The following TOP2B variants were observed in gnomAD, a reference collection of about 807,000 sequenced individuals.
TOP2B encodes the protein DNA topoisomerase 2-beta.
In TOP2B, 51 loss-of-function variants were observed where a neutral mutation model predicts 193.5. That is an observed-to-expected ratio of 0.26 (90% confidence interval 0.21 to 0.33). The LOEUF (loss-of-function observed/expected upper bound fraction) is 0.33. Ranked by LOEUF, TOP2B falls within the 10% of genes least tolerant of loss-of-function variation. The pLI is 1.00. For missense variants in TOP2B, 1,378 were observed against 1,909.3 expected, an observed-to-expected ratio of 0.72 and a Z score of 5.19; for synonymous variants, 634 against 635.7, an observed-to-expected ratio of 1.00 and a Z score of 0.04.
At chr3:25,627,763 C>T (rs1288501602) in intron 15 of TOP2B, among the ~76,000 whole-genome samples, 1 of 152,052 alleles carries the variant, frequency 6.6e-6, no homozygotes, top group Non-Finnish European at 1.5e-5. Flanking sequence ...TGGATCCTGA[C>T]TTTGGAAAAA....
Position 25,664,306 on chromosome 3 carries a change from C to T in TOP2B, c.-9G>A, listed in dbSNP as rs368409004. 6 of 1,526,294 alleles carry T rather than the reference C, an allele frequency of 3.9e-6. No individual in the cohort carries two copies. Among genetic ancestry groups the T allele is most frequent in the South Asian group, 2.4e-5 (2 of 83,580 alleles). The allele number at this position is 1,526,294 out of a possible 1,614,324, so 94.5% of individuals were successfully genotyped here. ...CCACCCGACTTGGCCATGGCGAGTG[C>T]CTCCAGCTCACAGGCCCTGAGGCCG... On this transcript the variant is annotated 5_prime_UTR_variant, in exon 1 of 36. Coordinates refer to ENST00000264331, the MANE Select transcript of TOP2B (RefSeq NM_001330700.2).
intron 25 of TOP2B, 116 bp downstream of exon 25, chr3:25,618,302 T>C (rs45438599): frequency 0.015 from 10,182 of 694,370 alleles, 103 homozygotes; most frequent in Non-Finnish European, 0.019. Context: ...AGTCTCTAAA[T>C]AGACAACTCA....
intron 19 of TOP2B, 55 bp downstream of exon 19, chr3:25,624,627 T>C (rs1051171854): frequency 1.3e-6 from 2 of 1,598,396 alleles, no homozygotes; most frequent in East Asian, 2.2e-5. Context: ...TGTGTAATTA[T>C]CATTCTTCAA....
rs764796902 is a variant in TOP2B at position 25,643,771 on chromosome 3, T to C, written c.254A>G (p.Tyr85Cys). The C allele has an allele frequency of 3.7e-6, 6 of 1,613,118 alleles. No individual in the cohort carries two copies. In the Admixed American group the frequency reaches 1.0e-4, roughly 27 times the overall value. Residue 85 changes from tyrosine to cysteine, a missense_variant, in exon 3 of 36, where the codon TAT (tyrosine) becomes TGT (cysteine). Physicochemically the swap from Tyr to Cys is radical, Grantham distance 194 (BLOSUM62 -2). This residue lies in a region of TOP2B where 35 missense variants were observed against 85.8 expected (regional missense o/e 0.41). Coordinates refer to ENST00000264331, the MANE Select transcript of TOP2B (RefSeq NM_001330700.2). Reference protein sequence around the residue: ...VEPLTQFMWVYDEDVGMNCRE... With the variant: ...VEPLTQFMWVCDEDVGMNCRE... ...GCAATTCATTCCTACATCTTCATCATACACCCACATGAACTGCATTGAAAA... is the reference window on the plus strand; with the variant it reads ...GCAATTCATTCCTACATCTTCATCACACACCCACATGAACTGCATTGAAAA...
At chr3:25,616,502 G>C (rs1702509002) in intron 25 of TOP2B, among the ~76,000 whole-genome samples, 1 of 150,422 alleles carries the variant, frequency 6.6e-6, no homozygotes, top group African/African-American at 2.4e-5. Flanking sequence ...TCAGAAGTAA[G>C]ATAAAAATTA....
At position 25,626,666 on chromosome 3, in the gene TOP2B, T is replaced by C. The variant is rs989415554; in HGVS notation, c.2118A>G (p.Leu706=). ...RRLHGLPEQF[L]YGTATKHLTY... ...TCAAATGCTTTGTTGCAGTACCATATAAAAATTGCTAAGAGAAAAGTTATA... is the reference window on the plus strand; with the variant it reads ...TCAAATGCTTTGTTGCAGTACCATACAAAAATTGCTAAGAGAAAAGTTATA... The change falls in exon 18 of 36, where the codon TTA becomes TTG. Residue 706 remains leucine, a synonymous_variant. Transcript: ENST00000264331. The C allele has an allele frequency of 2.6e-6, 4 of 1,524,382 alleles. No individual in the cohort carries two copies. The highest frequency in any genetic ancestry group is 2.5e-5 in the South Asian group (2 of 78,814). The allele number at this position is 1,524,382 out of a possible 1,614,324, so 94.4% of individuals were successfully genotyped here.
At chr3:25,618,314 C>T in intron 25 of TOP2B, 104 bp downstream of exon 25, 1 of 747,210 alleles carries the variant, frequency 1.3e-6, no homozygotes. Context: ...GACAACTCAG[C>T]ACCTTTAGTA....
At chr3:25,638,808 T>C (rs1212113021) in intron 4 of TOP2B, among the ~76,000 whole-genome samples, 1 of 152,200 alleles carries the variant, frequency 6.6e-6, no homozygotes, top group Non-Finnish European at 1.5e-5. Flanking sequence ...AAAATTTCAA[T>C]CTGTATCATT....
chr3:25,615,518 G>T lies in TOP2B; in HGVS notation c.3420C>A (p.Gly1140=). 6.3e-7 allele frequency: 1 copy of T among 1,575,908 alleles called. No individual in the cohort carries two copies. Among genetic ancestry groups the T allele is most frequent in the Non-Finnish European group, 8.6e-7 (1 of 1,160,578 alleles). Residue 1140 remains glycine, a synonymous_variant, in exon 26 of 36, where the codon GGC becomes GGA. Coordinates refer to ENST00000264331, the MANE Select transcript of TOP2B (RefSeq NM_001330700.2). ...TATTTAAAATATAATTAAAATCTGG[G>T]CCTGAAGGAGTTCCTGAATCGGAGG... ...DSSSDSGTPS[G]PDFNYILNMS...
rs1170970826 is a variant in TOP2B at position 25,597,985 on chromosome 3, A to ACAGTTCCATTTTT, written c.*309_*321dup. On this transcript the variant is annotated 3_prime_UTR_variant, in exon 36 of 36. Transcript: ENST00000264331. ...TATCTTCAGTAAAGAGACAGAGAAC[A>ACAGTTCCATTTTT]CAGTTCCATTTTTAATGTTTAAATT... 30 of 171,296 alleles carry ACAGTTCCATTTTT rather than the reference A, an allele frequency of 1.8e-4. No individual in the cohort carries two copies. The highest frequency in any genetic ancestry group is 2.9e-4 in the Non-Finnish European group (23 of 80,680). 10.6% of individuals were successfully genotyped at this position (171,296 alleles called of 1,614,324 possible).
At chr3:25,611,432 G>A (rs1575564456) in intron 28 of TOP2B, among the ~76,000 whole-genome samples, 1 of 152,134 alleles carries the variant, frequency 6.6e-6, no homozygotes, top group African/African-American at 2.4e-5. Context: ...TCTGCACAGA[G>A]AACTCTCCAA....
At position 25,609,711 on chromosome 3, in the gene TOP2B, C is replaced by T. The variant is rs1702321702; in HGVS notation, c.3788G>A (p.Gly1263Asp). The T allele has an allele frequency of 1.7e-5, 24 of 1,446,150 alleles. No homozygotes were observed. The highest frequency in any genetic ancestry group is 2.2e-5 in the Non-Finnish European group (24 of 1,101,688). 89.6% of individuals were successfully genotyped at this position (1,446,150 alleles called of 1,614,324 possible). A position where few individuals can be genotyped will look rare whatever the true frequency, so the allele number is the denominator to read the frequency against. Residue 1263 changes from glycine to aspartate, a missense_variant and splice_region_variant, in exon 29 of 36, where the codon GGT becomes GAT. By Grantham distance (94) the Gly-to-Asp change is moderately conservative. Coordinates refer to ENST00000264331, the MANE Select transcript of TOP2B (RefSeq NM_001330700.2). Reference sequence around the variant, plus strand: ...TTTTACTGCTGCAGTATCAAGATCACCCTACATAATAAAAAGAAAATCAAG... The same window carrying T: ...TTTTACTGCTGCAGTATCAAGATCATCCTACATAATAAAAAGAAAATCAAG... ...ASKKLLKKKKGDLDTAAVKVE... is the reference protein window; with the variant it reads ...ASKKLLKKKKDDLDTAAVKVE...
chr3:25,627,178 C>G lies in TOP2B; in HGVS notation c.2016+9G>C, dbSNP rs977987762. 5.1e-6 allele frequency: 8 copies of G among 1,580,140 alleles called. No individual in the cohort carries two copies. In the Admixed American group the frequency reaches 1.1e-4, roughly 22 times the overall value. On this transcript the variant is annotated intron_variant, in intron 16 of 35. Transcript: ENST00000264331. ...CTAACAAAAGCTTTTAAAAAATTAA[C>G]TTAATTACCAAGGTAATGGCAGCAT...
At chr3:25,627,926 T>C (rs1329461096) in intron 15 of TOP2B, among the ~76,000 whole-genome samples, 1 of 151,814 alleles carries the variant, frequency 6.6e-6, no homozygotes, top group Non-Finnish European at 1.5e-5. Flanking sequence ...CCAGGCATAG[T>C]GGCACATGCC....
In TOP2B at chr3:25,664,375, C is replaced by T. The variant is rs923541424; in HGVS notation, c.-78G>A. The T allele has an allele frequency of 5.1e-5, 70 of 1,364,128 alleles. 3 individuals are homozygous for T. In the South Asian group the frequency reaches 1.2e-3, roughly 24 times the overall value. The allele number at this position is 1,364,128 out of a possible 1,614,324, so 84.5% of individuals were successfully genotyped here. On this transcript the variant is annotated 5_prime_UTR_variant, in exon 1 of 36. Coordinates refer to ENST00000264331, the MANE Select transcript of TOP2B (RefSeq NM_001330700.2). ...CCCTGCGGGCCGCTGGGCCCCGCCGCTCCGCACCCACCGCTCCACTCGCCG... is the reference window on the plus strand; with the variant it reads ...CCCTGCGGGCCGCTGGGCCCCGCCGTTCCGCACCCACCGCTCCACTCGCCG...
intron 12 of TOP2B, 36 bp downstream of exon 12, chr3:25,630,276 G>A (rs1053277443): frequency 2.4e-5 from 37 of 1,537,806 alleles, no homozygotes; most frequent in Non-Finnish European, 3.2e-5. Flanking sequence ...ATGTGTGCAT[G>A]TGTGTATACA....
At chr3:25,613,727 C>CA (rs557958078) in intron 27 of TOP2B, among the ~76,000 whole-genome samples, 2,389 of 122,780 alleles carry the variant, frequency 0.019, 53 homozygotes, top group African/African-American at 0.057. Flanking sequence ...GACCATGTCT[C>CA]AAAAAAAAAA....
intron 1 of TOP2B, among the ~76,000 whole-genome samples, chr3:25,655,471 G>A (rs1350010777): frequency 1.3e-5 from 2 of 152,152 alleles, no homozygotes; most frequent in Non-Finnish European, 2.9e-5. Context: ...GAAATAGTGT[G>A]GAGGTTCCTC....
rs1703330372 is a variant in TOP2B, at chr3:25,643,767, A to C, written c.258T>G (p.Asp86Glu). ...EPLTQFMWVYDEDVGMNCREV... is the reference protein window; with the variant it reads ...EPLTQFMWVYEEDVGMNCREV... ...CCCTGCAATTCATTCCTACATCTTC[A>C]TCATACACCCACATGAACTGCATTG... Residue 86 changes from aspartate (D) to glutamate (E), a missense_variant, in exon 3 of 36, where the codon GAT (aspartate) becomes GAG (glutamate). Physicochemically the swap from Asp to Glu is conservative, Grantham distance 45. Coordinates refer to ENST00000264331, the MANE Select transcript of TOP2B (RefSeq NM_001330700.2). 6.2e-7 allele frequency: 1 copy of C among 1,613,156 alleles called. No individual in the cohort carries two copies. The highest frequency in any genetic ancestry group is 1.3e-5 in the African/African-American group (1 of 74,922).
Sources: gnomAD v4.1 joint callset for allele counts (sites outside exome capture counted in the v4.1 genomes callset) on GRCh38, gnomAD v4.1.1 for gene constraint, gnomAD v4.1.1 regional missense constraint, MANE v1.5 for transcripts, NCBI Gene and HGNC (gene_info 2026-07-23, HGNC 2026-07-21) for gene names.